The following CCSER1 variants were observed in gnomAD, a reference collection of about 807,000 sequenced individuals.
CCSER1 encodes the protein serine-rich coiled-coil domain-containing protein 1.
CCSER1 carries 41 observed loss-of-function variants against 82.0 expected under a neutral mutation model. The observed-to-expected ratio is 0.50, with a 90% CI of 0.39 to 0.65. The LOEUF is 0.65. Among genes scored for constraint, CCSER1 ranks in the 30% least tolerant of loss-of-function variants. The pLI, the probability that CCSER1 is intolerant of heterozygous loss-of-function variation, is 0.00. For missense variants in CCSER1, 1,119 were observed against 1,064.2 expected (o/e 1.05, Z -0.72); for synonymous variants, 414 against 383.9 (o/e 1.08, Z -0.92).
rs1010347863 is a variant in CCSER1 at position 90,556,201 on chromosome 4, G to A, written c.1725-71824G>A. Reference sequence around the variant, plus strand: ...TGAATGTAGCCAAAAACTCATACTGGGAAAACAGTTTAAGAAGCTAATTAA... The same window carrying A: ...TGAATGTAGCCAAAAACTCATACTGAGAAAACAGTTTAAGAAGCTAATTAA... On this transcript the variant is annotated intron_variant, in intron 5 of 10. Transcript: ENST00000509176. Among the ~76,000 whole-genome samples the A allele has an allele frequency of 5.9e-5, 9 of 151,900 alleles. 1 individual carries two copies. Among genetic ancestry groups the A allele is most frequent in the Non-Finnish European group, 1.2e-4 (8 of 67,886 alleles).
chr4:90,878,536 T>C (rs1277919256), intron 8 of CCSER1, among the ~76,000 whole-genome samples: 1 of 152,148 alleles, frequency 6.6e-6, no homozygotes, highest in Non-Finnish European at 1.5e-5. Context: ...TCTGGGAAGA[T>C]AGGCTTGTCT....
At chr4:90,260,537 G>A (rs1434666328) in intron 1 of CCSER1, among the ~76,000 whole-genome samples, 1 of 151,924 alleles carries the variant, frequency 6.6e-6, no homozygotes, top group Non-Finnish European at 1.5e-5. Context: ...TACTAGTGTT[G>A]CCTTAAAGTC....
chr4:90,693,070 G>A (rs1736320219), intron 6 of CCSER1, among the ~76,000 whole-genome samples: 1 of 152,062 alleles, frequency 6.6e-6, no homozygotes, highest in South Asian at 2.1e-4. Context: ...CACTTGTGCG[G>A]ATGAGGTTAA....
At chr4:90,933,611 A>T (rs1198870898) in intron 9 of CCSER1, among the ~76,000 whole-genome samples, 1 of 152,020 alleles carries the variant, frequency 6.6e-6, no homozygotes, top group African/African-American at 2.4e-5. Flanking sequence ...AAAGTACAAA[A>T]CTAAAAAGAA....
intron 1 of CCSER1, among the ~76,000 whole-genome samples, chr4:90,278,704 T>C (rs1314330306): frequency 2.6e-5 from 4 of 152,050 alleles, no homozygotes; most frequent in African/African-American, 7.2e-5. Flanking sequence ...GGGCAAGGGC[T>C]GAAAAGTTTC....
chr4:90,575,615 T>A (rs1780653675), intron 5 of CCSER1, among the ~76,000 whole-genome samples: 1 of 152,226 alleles, frequency 6.6e-6, no homozygotes, highest in African/African-American at 2.4e-5. Flanking sequence ...AAATGTACCG[T>A]CAATGTTACA....
chr4:90,671,113 G>A (rs1365913558), intron 6 of CCSER1, among the ~76,000 whole-genome samples: 1 of 152,060 alleles, frequency 6.6e-6, no homozygotes. Context: ...CCTAAACAGA[G>A]TCATAATCTT....
intron 1 of CCSER1, among the ~76,000 whole-genome samples, chr4:90,227,733 G>C (rs1743471705): frequency 1.3e-5 from 2 of 152,202 alleles, no homozygotes; most frequent in African/African-American, 4.8e-5. Flanking sequence ...ACTAGGGAGT[G>C]CCAGACAGTG....
chr4:90,166,526 A>G (rs943707945), intron 1 of CCSER1, among the ~76,000 whole-genome samples: 4 of 152,010 alleles, frequency 2.6e-5, no homozygotes, highest in African/African-American at 9.7e-5. Context: ...TAGCATTTAA[A>G]AATTAATTAA....
intron 1 of CCSER1, among the ~76,000 whole-genome samples, chr4:90,297,810 A>G (rs1449938823): frequency 6.6e-6 from 1 of 152,048 alleles, no homozygotes; most frequent in Non-Finnish European, 1.5e-5. Context: ...TGATTTGCGT[A>G]TATTGAACCA....
Position 91,517,786 on chromosome 4 carries a change from T to TGTGTGTG in CCSER1, c.2218-80786_2218-80785insGTGTGTG, listed in dbSNP as rs1560732342. 2.5e-3 allele frequency among the ~76,000 whole-genome samples: 227 copies of TGTGTGTG among 90,646 alleles called. 3 individuals are homozygous for TGTGTGTG. The highest frequency in any genetic ancestry group is 5.3e-3 in the Middle Eastern group (1 of 190). 59.5% of individuals were successfully genotyped at this position (90,646 alleles called of 152,430 possible). On this transcript the variant is annotated intron_variant, in intron 10 of 10. Transcript: ENST00000509176. Reference sequence around the variant, plus strand: ...TGTGTGTGTGTGTGTGTGTGTGTGTTTAACTTTGATATAAATTGAGTACAG... The same window carrying TGTGTGTG: ...TGTGTGTGTGTGTGTGTGTGTGTGTTGTGTGTGTAACTTTGATATAAATTGAGTACAG...
intron 10 of CCSER1, among the ~76,000 whole-genome samples, chr4:91,091,410 A>C (rs1409581066): frequency 6.6e-6 from 1 of 152,160 alleles, no homozygotes; most frequent in Non-Finnish European, 1.5e-5. Context: ...CTAGGCATTC[A>C]TAATAACTAT....
At chr4:90,496,865 T>G (rs1769084810) in intron 5 of CCSER1, among the ~76,000 whole-genome samples, 1 of 149,380 alleles carries the variant, frequency 6.7e-6, no homozygotes, top group Admixed American at 6.8e-5. Flanking sequence ...TTGTTTCAGC[T>G]ACTCAGGAGT....
At chr4:90,999,404 G>T (rs1365925537) in intron 9 of CCSER1, among the ~76,000 whole-genome samples, 1 of 151,920 alleles carries the variant, frequency 6.6e-6, no homozygotes, top group African/African-American at 2.4e-5. Context: ...TTGTTTTTTA[G>T]CTTTTTAATA....
intron 1 of CCSER1, among the ~76,000 whole-genome samples, chr4:90,188,588 A>C (rs1375739527): frequency 1.3e-5 from 2 of 151,964 alleles, no homozygotes; most frequent in East Asian, 3.9e-4. Flanking sequence ...TTACATACTA[A>C]GTTTTAGTAC....
At chr4:91,020,716 G>A (rs1310115778) in intron 9 of CCSER1, among the ~76,000 whole-genome samples, 2 of 151,844 alleles carry the variant, frequency 1.3e-5, no homozygotes, top group Non-Finnish European at 2.9e-5. Flanking sequence ...ATAAGAGCAA[G>A]GAAATATTAG....
chr4:90,592,186 T>A (rs910706528), intron 5 of CCSER1, among the ~76,000 whole-genome samples: 3 of 152,068 alleles, frequency 2.0e-5, no homozygotes, highest in Non-Finnish European at 4.4e-5. Flanking sequence ...TATATCCCAG[T>A]ATTTAAAGTA....
chr4:90,812,884 T>C (rs1758532493), intron 7 of CCSER1, among the ~76,000 whole-genome samples: 1 of 152,156 alleles, frequency 6.6e-6, no homozygotes, highest in Admixed American at 6.5e-5. Context: ...ACCACCCCCA[T>C]GATCCAATCA....
At chr4:90,968,244 G>C (rs997231124) in intron 9 of CCSER1, among the ~76,000 whole-genome samples, 1 of 151,768 alleles carries the variant, frequency 6.6e-6, no homozygotes, top group Non-Finnish European at 1.5e-5. Flanking sequence ...AACCAAAATA[G>C]TATGTCGAAA....
Sources: allele counts gnomAD v4.1 joint callset (sites outside exome capture counted in the v4.1 genomes callset), GRCh38; gene constraint gnomAD v4.1.1; transcripts MANE v1.5; gene names NCBI Gene and HGNC (gene_info 2026-07-23, HGNC 2026-07-21).